Variants in GPR26 observed in about 807,000 individuals in gnomAD.
GPR26 encodes G protein-coupled receptor 26.
Under a neutral mutation model 23.1 loss-of-function variants are expected in GPR26, and 15 were observed. The observed-to-expected ratio is 0.65, with a 90% CI of 0.43 to 1.00. The LOEUF is 1.00. Among genes scored for constraint, GPR26 ranks in the 50% least tolerant of loss-of-function variants. The pLI, the probability that GPR26 is intolerant of heterozygous loss-of-function variation, is 0.00. For missense variants in GPR26, 359 were observed against 470.5 expected (o/e 0.76, Z 2.19); for synonymous variants, 228 against 222.1 (o/e 1.03, Z -0.24).
At position 123,690,152 on chromosome 10, in the gene GPR26, AAT is replaced by A. The variant is rs2133933586; in HGVS notation, c.*1994_*1995del. 1 of 152,244 alleles carries A rather than the reference AAT, an allele frequency of 6.6e-6. No homozygotes were observed. The highest frequency in any genetic ancestry group is 2.4e-5 in the African/African-American group (1 of 41,520). The allele number at this position is 152,244 out of a possible 1,614,324, so 9.4% of individuals were successfully genotyped here. A position where few individuals can be genotyped will look rare whatever the true frequency, so the allele number is the denominator to read the frequency against. ...GAGCTCCTTTGGCCACTCATATTAC[AAT>A]AGCAACAGACATTTGCTTCCTGGTG... On this transcript the variant is annotated 3_prime_UTR_variant, in exon 3 of 3. Transcript: ENST00000284674.
rs1845488601 is a variant in GPR26, at chr10:123,691,376, A to G, written c.*3216A>G. 6.6e-6 allele frequency: 1 copy of G among 152,138 alleles called. No individual in the cohort carries two copies. The highest frequency in any genetic ancestry group is 6.5e-5 in the Admixed American group (1 of 15,274). 9.4% of individuals were successfully genotyped at this position (152,138 alleles called of 1,614,324 possible). On this transcript the variant is annotated 3_prime_UTR_variant, in exon 3 of 3. Transcript: ENST00000284674. ...AGCCTCCTGTCCCCATGAGCAATAAAACTCTCTCCTTATGTCTGTGAAATT... is the reference window on the plus strand; with the variant it reads ...AGCCTCCTGTCCCCATGAGCAATAAGACTCTCTCCTTATGTCTGTGAAATT...
chr10:123,672,897 C>T (rs1441554763), intron 1 of GPR26, among the ~76,000 whole-genome samples: 3 of 152,200 alleles, frequency 2.0e-5, no homozygotes, highest in African/African-American at 7.2e-5. Context: ...TTTCTTAACA[C>T]TTCTGTAATT....
At chr10:123,672,583 G>A (rs1372854176) in intron 1 of GPR26, among the ~76,000 whole-genome samples, 1 of 152,164 alleles carries the variant, frequency 6.6e-6, no homozygotes, top group Non-Finnish European at 1.5e-5. Flanking sequence ...ACAGTCTCTG[G>A]TTACAGCTGT....
chr10:123,680,814 TGTTTTG>T (rs763197389), intron 2 of GPR26, among the ~76,000 whole-genome samples: 1 of 111,308 alleles, frequency 9.0e-6, no homozygotes, highest in Non-Finnish European at 1.8e-5. Context: ...TTTTTTGTTT[TGTTTTG>T]TTTTTTTGGG....
intron 2 of GPR26, among the ~76,000 whole-genome samples, chr10:123,678,456 G>A (rs989811090): frequency 5.9e-5 from 9 of 152,238 alleles, no homozygotes; most frequent in Non-Finnish European, 4.4e-5. Context: ...TGTTTCCTGA[G>A]CAGTCAAATC....
intron 2 of GPR26, among the ~76,000 whole-genome samples, chr10:123,677,361 C>T (rs1418308109): frequency 2.0e-5 from 3 of 152,224 alleles, no homozygotes; most frequent in African/African-American, 7.2e-5. Context: ...GCACCTTACC[C>T]GGGAGAGAAG....
chr10:123,684,912 G>A (rs375612332), intron 2 of GPR26, among the ~76,000 whole-genome samples: 2 of 152,186 alleles, frequency 1.3e-5, no homozygotes, highest in African/African-American at 2.4e-5. Flanking sequence ...AAGCCAAGTC[G>A]TGCTCTGTCA....
intron 1 of GPR26, among the ~76,000 whole-genome samples, chr10:123,669,086 G>A (rs1238117819): frequency 1.3e-5 from 2 of 152,096 alleles, no homozygotes; most frequent in East Asian, 1.9e-4. Context: ...TCCTAGCCCC[G>A]GGCTGCTTTG....
intron 2 of GPR26, among the ~76,000 whole-genome samples, chr10:123,685,034 G>A (rs34201757): frequency 0.042 from 6,348 of 152,204 alleles, 249 homozygotes; most frequent in African/African-American, 0.089. Context: ...CCCACGTCCC[G>A]TCCTGAGACC....
rs988132545 is a variant in GPR26, at chr10:123,688,286, C to T, written c.*126C>T. The T allele has an allele frequency of 1.5e-6, 1 of 672,632 alleles. No homozygotes were observed. Among genetic ancestry groups the T allele is most frequent in the African/African-American group, 1.8e-5 (1 of 56,274 alleles). 41.7% of individuals were successfully genotyped at this position (672,632 alleles called of 1,614,324 possible). ...CTGGCATGCCCAGTGATCCTGGTTCCCTGGCTTGTAGGGGCTCCAGAGCCT... is the reference window on the plus strand; with the variant it reads ...CTGGCATGCCCAGTGATCCTGGTTCTCTGGCTTGTAGGGGCTCCAGAGCCT... On this transcript the variant is annotated 3_prime_UTR_variant, in exon 3 of 3. Coordinates refer to ENST00000284674, the MANE Select transcript of GPR26 (RefSeq NM_153442.4).
At chr10:123,677,183 T>A (rs55934930) in intron 2 of GPR26, among the ~76,000 whole-genome samples, 52,223 of 150,838 alleles carry the variant, frequency 0.35, 9,175 homozygotes, top group Non-Finnish European at 0.37. Context: ...ATTTTCCTTT[T>A]AAAAAAAAAA....
chr10:123,687,444 G>A (rs1845440887), intron 2 of GPR26, among the ~76,000 whole-genome samples: 2 of 152,110 alleles, frequency 1.3e-5, no homozygotes. Flanking sequence ...CAGGTCCAAG[G>A]AGTGAACAGA....
chr10:123,668,777 A>G (rs1564729378), intron 1 of GPR26, among the ~76,000 whole-genome samples: 1 of 152,178 alleles, frequency 6.6e-6, no homozygotes, highest in Non-Finnish European at 1.5e-5. Context: ...AAAGACTCCT[A>G]GAGGGGGCCC....
intron 2 of GPR26, among the ~76,000 whole-genome samples, chr10:123,682,250 CAGT>C (rs1845385876): frequency 6.6e-6 from 1 of 152,160 alleles, no homozygotes; most frequent in Non-Finnish European, 1.5e-5. Context: ...ATGTCACTGA[CAGT>C]AGTTTATGTA....
chr10:123,670,296 T>C (rs1360564744), intron 1 of GPR26, among the ~76,000 whole-genome samples: 2 of 152,134 alleles, frequency 1.3e-5, no homozygotes, highest in Non-Finnish European at 2.9e-5. Flanking sequence ...ACTTTACAGA[T>C]GAGAAAATGA....
In GPR26 at chr10:123,690,593, C is replaced by T. The variant is rs1034338446; in HGVS notation, c.*2433C>T. ...TCTAAAACCAATTGTACCGACATCA[C>T]GTAGACAAAAACTCCAGATAAATCC... is the stretch of plus-strand genomic sequence containing the variant. On this transcript the variant is annotated 3_prime_UTR_variant, in exon 3 of 3. Coordinates refer to ENST00000284674, the MANE Select transcript of GPR26 (RefSeq NM_153442.4). 23 of 152,250 alleles carry T rather than the reference C, an allele frequency of 1.5e-4. No individual in the cohort carries two copies. Among genetic ancestry groups the T allele is most frequent in the East Asian group, 9.7e-4 (5 of 5,170 alleles). 9.4% of individuals were successfully genotyped at this position (152,250 alleles called of 1,614,324 possible).
rs1845448835 is a variant in GPR26, at chr10:123,688,062, A to G, written c.916A>G (p.Lys306Glu). ...LLRHQYRKSCKEILNRLLHRR... is the reference protein window; with the variant it reads ...LLRHQYRKSCEEILNRLLHRR... ...GCGACACCAGTACCGCAAAAGCTGC[A>G]AGGAGATTCTGAACAGGCTCCTGCA... The change falls in exon 3 of 3, where the codon AAG becomes GAG. Residue 306 changes from lysine (K) to glutamate (E), a missense_variant. Transcript: ENST00000284674. 2 of 1,614,098 alleles carry G rather than the reference A, an allele frequency of 1.2e-6. No homozygotes were observed. Among genetic ancestry groups the G allele is most frequent in the Non-Finnish European group, 1.7e-6 (2 of 1,179,986 alleles).
intron 2 of GPR26, among the ~76,000 whole-genome samples, chr10:123,686,524 A>C (rs1845431836): frequency 6.6e-6 from 1 of 152,222 alleles, no homozygotes; most frequent in Non-Finnish European, 1.5e-5. Flanking sequence ...GGACTCCTTG[A>C]GAGCCTGTTC....
At chr10:123,671,222 C>T (rs1845246009) in intron 1 of GPR26, among the ~76,000 whole-genome samples, 1 of 152,210 alleles carries the variant, frequency 6.6e-6, no homozygotes, top group African/African-American at 2.4e-5. Flanking sequence ...AAGGTTTTAG[C>T]TGAGATCACC....
Sources: allele counts gnomAD v4.1 joint callset (sites outside exome capture counted in the v4.1 genomes callset), GRCh38; gene constraint gnomAD v4.1.1; transcripts MANE v1.5; gene names NCBI Gene and HGNC (gene_info 2026-07-23, HGNC 2026-07-21).